Variants in ROBO2 observed in about 807,000 individuals in gnomAD.
The protein encoded by ROBO2 is roundabout homolog 2.
In ROBO2, 53 loss-of-function variants were observed where a neutral mutation model predicts 160.8. The ratio of observed to expected loss-of-function variants is 0.33; its 90% confidence interval spans 0.26 to 0.41. The LOEUF (loss-of-function observed/expected upper bound fraction) is 0.41, where lower values mean the gene tolerates loss of function less well. ROBO2 is among the 10% of genes least tolerant of loss of function. The probability of loss-of-function intolerance (pLI) is 1.00; values close to 1 mark genes in which losing one functional copy is unlikely to be tolerated. For synonymous variants in ROBO2, 664 were observed against 611.7 expected (o/e 1.09, Z -1.26); for missense variants, 1,577 against 1,722.4 (o/e 0.92, Z 1.49).
chr3:77,623,413 A>G (rs1247511629), intron 23 of ROBO2, among the ~76,000 whole-genome samples: 2 of 152,152 alleles, frequency 1.3e-5, no homozygotes, highest in East Asian at 3.9e-4. Flanking sequence ...CCAAACTTTC[A>G]CAGATTTTAC....
intron 2 of ROBO2, among the ~76,000 whole-genome samples, chr3:77,273,560 C>A (rs866473217): frequency 6.6e-6 from 1 of 152,104 alleles, no homozygotes; most frequent in Non-Finnish European, 1.5e-5. Flanking sequence ...ATACAATTTC[C>A]CTTGGCTAGT....
chr3:76,997,911 T>TA (rs1196111201), intron 2 of ROBO2, among the ~76,000 whole-genome samples: 2 of 152,018 alleles, frequency 1.3e-5, no homozygotes, highest in Non-Finnish European at 2.9e-5. Context: ...CTCAGCCCCA[T>TA]ATGCTTTCCC....
At chr3:76,856,610 T>G (rs914904385) in intron 2 of ROBO2, among the ~76,000 whole-genome samples, 8 of 152,208 alleles carry the variant, frequency 5.3e-5, no homozygotes, top group Admixed American at 5.2e-4. Flanking sequence ...AAAATACAGA[T>G]TCCTGGGCAA....
intron 19 of ROBO2, among the ~76,000 whole-genome samples, chr3:77,601,822 A>G (rs1258916641): frequency 6.6e-6 from 1 of 152,234 alleles, no homozygotes; most frequent in Admixed American, 6.5e-5. Context: ...GATAAAGTGG[A>G]AAGAGATGTT....
chr3:77,597,519 C>G (rs965505630), intron 19 of ROBO2, among the ~76,000 whole-genome samples: 2 of 152,042 alleles, frequency 1.3e-5, no homozygotes, highest in African/African-American at 4.8e-5. Context: ...AGGGAACTCT[C>G]TGATCTCAGT....
chr3:76,046,530 C>T (rs2067456362), intron 2 of ROBO2, among the ~76,000 whole-genome samples: 1 of 151,858 alleles, frequency 6.6e-6, no homozygotes. Context: ...CGCCTGCAGT[C>T]CCAGCTACTC....
At chr3:76,971,764 CA>C (rs763143083) in intron 2 of ROBO2, among the ~76,000 whole-genome samples, 3 of 152,080 alleles carry the variant, frequency 2.0e-5, no homozygotes, top group Non-Finnish European at 4.4e-5. Flanking sequence ...AATTATTGGC[CA>C]TAACTAGGAG....
chr3:77,040,492 A>G, exon 1 of ROBO2: 1 of 1,295,274 alleles, frequency 7.7e-7, no homozygotes, highest in South Asian at 1.6e-5. Context: ...AGGGTTAGAC[A>G]CACTCGAATA....
chr3:77,610,604 G>T (rs902454416), intron 21 of ROBO2, among the ~76,000 whole-genome samples: 1 of 151,760 alleles, frequency 6.6e-6, no homozygotes, highest in African/African-American at 2.4e-5. Context: ...CAAAAATAAG[G>T]ACAAAGATAG....
intron 2 of ROBO2, among the ~76,000 whole-genome samples, chr3:76,838,838 A>G (rs979050452): frequency 1.3e-5 from 2 of 152,146 alleles, no homozygotes; most frequent in Non-Finnish European, 2.9e-5. Context: ...TCTGTAAAAT[A>G]TGGTGGATAA....
intron 2 of ROBO2, among the ~76,000 whole-genome samples, chr3:76,222,952 A>C (rs534116744): frequency 5.9e-5 from 9 of 151,814 alleles, no homozygotes; most frequent in Admixed American, 1.3e-4. Context: ...ATGGAGTTTC[A>C]CCGTATTAGT....
chr3:77,399,803 A>G (rs567156721), intron 2 of ROBO2, among the ~76,000 whole-genome samples: 2 of 152,232 alleles, frequency 1.3e-5, no homozygotes, highest in Admixed American at 1.3e-4. Flanking sequence ...ATTTACACCT[A>G]TCTAAAGTAG....
At chr3:76,825,893 C>T (rs1226559817) in intron 2 of ROBO2, among the ~76,000 whole-genome samples, 2 of 151,982 alleles carry the variant, frequency 1.3e-5, no homozygotes, top group East Asian at 3.9e-4. Context: ...AAAAGCATTT[C>T]TCTTGTGCAT....
chr3:77,366,342 G>T (rs1171051243), intron 2 of ROBO2, among the ~76,000 whole-genome samples: 1 of 152,034 alleles, frequency 6.6e-6, no homozygotes, highest in Admixed American at 6.6e-5. Context: ...TTCGGGAAAT[G>T]ATTATAAGAG....
chr3:76,796,093 T>C (rs1215540716), intron 2 of ROBO2, among the ~76,000 whole-genome samples: 2 of 152,086 alleles, frequency 1.3e-5, no homozygotes, highest in Non-Finnish European at 2.9e-5. Context: ...ACCATGCTGT[T>C]TAATTCTCAA....
intron 2 of ROBO2, among the ~76,000 whole-genome samples, chr3:76,213,757 C>A (rs1419952953): frequency 6.6e-6 from 1 of 151,986 alleles, no homozygotes; most frequent in Non-Finnish European, 1.5e-5. Context: ...ATGTCAAGTT[C>A]TTATTAGACA....
At chr3:76,454,770 A>G (rs2077665693) in intron 2 of ROBO2, among the ~76,000 whole-genome samples, 1 of 152,170 alleles carries the variant, frequency 6.6e-6, no homozygotes, top group South Asian at 2.1e-4. Flanking sequence ...ACAAGAGATG[A>G]TCAACAATTT....
intron 2 of ROBO2, among the ~76,000 whole-genome samples, chr3:77,119,227 T>C (rs558450714): frequency 6.2e-4 from 94 of 152,336 alleles, no homozygotes; most frequent in Non-Finnish European, 1.0e-3. Flanking sequence ...TAAACCTCTT[T>C]TCTTTATAAA....
At chr3:76,231,058 C>A (rs6549849) in intron 2 of ROBO2, among the ~76,000 whole-genome samples, 134,012 of 152,094 alleles carry the variant, frequency 0.88, 59,220 homozygotes, top group East Asian at 0.96. Context: ...CACTCTCAAC[C>A]TCCTACTTTC....
Sources: gnomAD v4.1 joint callset for allele counts (sites outside exome capture counted in the v4.1 genomes callset) on GRCh38, gnomAD v4.1.1 for gene constraint, MANE v1.5 for transcripts, NCBI Gene and HGNC (gene_info 2026-07-23, HGNC 2026-07-21) for gene names.